Variants in DCDC2C observed in about 807,000 individuals in gnomAD.
DCDC2C encodes the protein doublecortin domain-containing protein 2C.
DCDC2C carries 44 observed loss-of-function variants against 45.0 expected under a neutral mutation model. The ratio of observed to expected loss-of-function variants is 0.98; its 90% CI spans 0.77 to 1.26. The LOEUF (loss-of-function observed/expected upper bound fraction) is 1.26, where lower values mean the gene tolerates loss of function less well. DCDC2C is among the 50% of genes most tolerant of loss of function. DCDC2C has a pLI of 0.00. For missense variants in DCDC2C, 447 were observed against 468.9 expected, an observed-to-expected ratio of 0.95 and a Z score of 0.43; for synonymous variants, 187 against 178.8, an observed-to-expected ratio of 1.05 and a Z score of -0.37.
intron 3 of DCDC2C, among the ~76,000 whole-genome samples, chr2:3,731,466 T>C (rs1385900596): frequency 6.6e-6 from 1 of 152,230 alleles, no homozygotes; most frequent in Non-Finnish European, 1.5e-5. Context: ...ATAATTGGGT[T>C]GGTCATTGCC....
chr2:3,836,489 T>C (rs1349024283), intron 10 of DCDC2C, among the ~76,000 whole-genome samples: 1 of 152,214 alleles, frequency 6.6e-6, no homozygotes, highest in African/African-American at 2.4e-5. Context: ...AGTTAAATAG[T>C]ATCACACAAA....
chr2:3,755,500 C>T (rs529662972), intron 6 of DCDC2C, among the ~76,000 whole-genome samples: 6 of 146,870 alleles, frequency 4.1e-5, no homozygotes, highest in East Asian at 2.3e-4. Context: ...CAGGAGTACA[C>T]GTGTGTATGA....
rs915452796 is a variant in DCDC2C at position 3,705,671 on chromosome 2, C to T, written c.287+1633C>T. ...GTGTGCCTGGGAGATGTTACTCTTT[C>T]CCCTTGCTGTGGGGCTGGATATTTT... On this transcript the variant is annotated intron_variant, in intron 1 of 10. Coordinates refer to ENST00000399143, the MANE Select transcript of DCDC2C (RefSeq NM_001287444.2). Among the ~76,000 whole-genome samples the T allele has an allele frequency of 3.9e-5, 6 of 152,322 alleles. No individual in the cohort carries two copies. In the East Asian group the frequency reaches 1.2e-3, roughly 29 times the overall value.
At chr2:3,794,947 T>TCCAC (rs1288576958) in intron 10 of DCDC2C, among the ~76,000 whole-genome samples, 5 of 152,152 alleles carry the variant, frequency 3.3e-5, no homozygotes, top group African/African-American at 1.2e-4. Context: ...CACACTGACT[T>TCCAC]CCACAATGGT....
chr2:3,763,918 C>A (rs1206556193), intron 6 of DCDC2C, among the ~76,000 whole-genome samples: 1 of 152,172 alleles, frequency 6.6e-6, no homozygotes, highest in Non-Finnish European at 1.5e-5. Flanking sequence ...AATGAATTCA[C>A]CCACCAGAGC....
chr2:3,719,368 A>G (rs1324496390), intron 2 of DCDC2C, among the ~76,000 whole-genome samples: 1 of 152,190 alleles, frequency 6.6e-6, no homozygotes, highest in African/African-American at 2.4e-5. Flanking sequence ...TACAGGTGTG[A>G]GCCACCGTGC....
intron 4 of DCDC2C, 193 bp from the exon 5 acceptor site, chr2:3,752,569 GA>G (rs1669572694): frequency 2.8e-6 from 2 of 702,504 alleles, no homozygotes; most frequent in Non-Finnish European, 5.1e-6. Flanking sequence ...TCTAAAAGTG[GA>G]AAGCAAGTCT....
intron 9 of DCDC2C, 66 bp from the exon 10 acceptor site, chr2:3,784,993 T>C: frequency 8.8e-7 from 1 of 1,136,134 alleles, no homozygotes; most frequent in East Asian, 3.2e-5. Context: ...GTGGGGGAGA[T>C]TAAGGATTTA....
chr2:3,792,784 G>T (rs1159029161), intron 10 of DCDC2C, among the ~76,000 whole-genome samples: 5 of 152,200 alleles, frequency 3.3e-5, no homozygotes, highest in African/African-American at 7.2e-5. Flanking sequence ...AGAAAAATGT[G>T]TCTTCTCCGA....
At chr2:3,780,978 C>T (rs1670493231) in intron 9 of DCDC2C, among the ~76,000 whole-genome samples, 1 of 152,198 alleles carries the variant, frequency 6.6e-6, no homozygotes. Flanking sequence ...CGTTGCTTCG[C>T]TGGCGCCACC....
Position 3,836,908 on chromosome 2 carries a change from C to T in DCDC2C, c.1066-10246C>T, listed in dbSNP as rs558437186. ...ACTGGTCTTCTCTGTACTATCTTTG[C>T]AACTATCTTGTAATACTGTACTATC... On this transcript the variant is annotated intron_variant, in intron 10 of 10. Transcript: ENST00000399143. Among the ~76,000 whole-genome samples, 3 of 150,958 alleles carry T rather than the reference C, an allele frequency of 2.0e-5. No homozygotes were observed. The East Asian group carries it at 5.8e-4, about 29-fold the overall frequency.
chr2:3,847,330 G>A lies in DCDC2C; in HGVS notation c.*147G>A, dbSNP rs959441887. Reference sequence around the variant, plus strand: ...TGGTGTCTTCTCGAAAGCCAAAGACGAGGTTTCATAATTGAGCTCCATTTC... The same window carrying A: ...TGGTGTCTTCTCGAAAGCCAAAGACAAGGTTTCATAATTGAGCTCCATTTC... On this transcript the variant is annotated 3_prime_UTR_variant, in exon 11 of 11. Coordinates refer to ENST00000399143, the MANE Select transcript of DCDC2C (RefSeq NM_001287444.2). 1.3e-5 allele frequency: 6 copies of A among 456,124 alleles called. No individual in the cohort carries two copies. Among genetic ancestry groups the A allele is most frequent in the East Asian group, 1.1e-4 (3 of 28,004 alleles). The allele number at this position is 456,124 out of a possible 1,614,324, so 28.3% of individuals were successfully genotyped here. A position where few individuals can be genotyped will look rare whatever the true frequency, so the allele number is the denominator to read the frequency against.
chr2:3,834,404 C>T (rs1053745770), intron 10 of DCDC2C, among the ~76,000 whole-genome samples: 1 of 152,216 alleles, frequency 6.6e-6, no homozygotes, highest in African/African-American at 2.4e-5. Flanking sequence ...CTCTTTACTA[C>T]CTCCATGGTT....
chr2:3,801,118 A>G (rs1311767947), intron 10 of DCDC2C, among the ~76,000 whole-genome samples: 2 of 152,230 alleles, frequency 1.3e-5, no homozygotes, highest in Admixed American at 6.5e-5. Context: ...TGGTGGTGAT[A>G]GCATTTACAT....
intron 2 of DCDC2C, among the ~76,000 whole-genome samples, chr2:3,720,425 A>T (rs757367002): frequency 2.0e-5 from 3 of 152,224 alleles, no homozygotes; most frequent in African/African-American, 7.2e-5. Context: ...GGAAGAGGAC[A>T]TAGGAGGTCA....
chr2:3,738,540 GAAAAAAAAAAA>G (rs60799536), intron 3 of DCDC2C, among the ~76,000 whole-genome samples: 10 of 72,010 alleles, frequency 1.4e-4, no homozygotes, highest in Admixed American at 7.1e-4. Context: ...GTCTATCTGG[GAAAAAAAAAAA>G]AAAAAAAAAA....
In DCDC2C at chr2:3,703,967, G is replaced by A; in HGVS notation, c.216G>A (p.Val72=). ...RLFTPTRGHR[V]LGLDALQAGG... ...TCACGCCCACGCGTGGGCACCGGGT[G>A]CTGGGGCTGGACGCGCTGCAGGCGG... Residue 72 remains valine (V), a synonymous_variant, in exon 1 of 11, where the codon GTG becomes GTA. Transcript: ENST00000399143. This position sits in a 1 kb window ranked among gnomAD's most constrained non-coding sequence, Gnocchi z 4.4. The A allele has an allele frequency of 7.6e-7, 1 of 1,310,954 alleles. No homozygotes were observed. The highest frequency in any genetic ancestry group is 9.7e-7 in the Non-Finnish European group (1 of 1,029,972). The allele number at this position is 1,310,954 out of a possible 1,614,324, so 81.2% of individuals were successfully genotyped here.
At chr2:3,767,664 G>A (rs2148151409) in intron 6 of DCDC2C, 90 bp from the exon 7 acceptor site, 1 of 1,445,706 alleles carries the variant, frequency 6.9e-7, no homozygotes, top group Admixed American at 2.5e-5. Context: ...TGAGGAACTT[G>A]TGTCTTCCTG....
intron 3 of DCDC2C, among the ~76,000 whole-genome samples, chr2:3,736,007 G>C (rs1340753897): frequency 6.6e-6 from 1 of 152,120 alleles, no homozygotes; most frequent in Non-Finnish European, 1.5e-5. Context: ...CTATCTTATA[G>C]GGTTCTGCAT....
Sources: gnomAD v4.1 joint callset for allele counts (sites outside exome capture counted in the v4.1 genomes callset) on GRCh38, gnomAD v4.1.1 for gene constraint, Gnocchi (gnomAD v3.1) non-coding constraint, MANE v1.5 for transcripts, NCBI Gene and HGNC (gene_info 2026-07-23, HGNC 2026-07-21) for gene names.